TRIM14: variants seen among roughly 807,000 people sequenced by gnomAD.
TRIM14 encodes the protein tripartite motif containing 14.
TRIM14 carries 28 observed loss-of-function variants against 44.5 expected under a neutral mutation model. The ratio of observed to expected loss-of-function variants is 0.63; its 90% CI spans 0.47 to 0.86. The LOEUF (loss-of-function observed/expected upper bound fraction) is 0.86. TRIM14 is among the 40% of genes least tolerant of loss of function. The pLI, the probability that TRIM14 is intolerant of heterozygous loss-of-function variation, is 0.00. For missense variants in TRIM14, 607 were observed against 611.1 expected (o/e 0.99, Z 0.07); for synonymous variants, 299 against 269.2 (o/e 1.11, Z -1.08).
chr9:98,110,933 A>G (rs12342641), intron 1 of TRIM14, among the ~76,000 whole-genome samples: 16,770 of 151,494 alleles, frequency 0.11, 2,793 homozygotes, highest in African/African-American at 0.37. Context: ...TGTAGTCCTA[A>G]CTACTTGGGA....
chr9:98,073,117 G>A (rs1829417126), intron 6 of TRIM14, among the ~76,000 whole-genome samples: 1 of 151,988 alleles, frequency 6.6e-6, no homozygotes, highest in African/African-American at 2.4e-5. Context: ...CTCACACACA[G>A]TGGCCATCCC....
At chr9:98,092,369 G>A (rs1564175843) in intron 4 of TRIM14, 1 of 208,326 alleles carries the variant, frequency 4.8e-6, no homozygotes, top group Non-Finnish European at 1.0e-5. Context: ...CCCAACAAGC[G>A]GGCACAGCAG....
At chr9:98,066,150 A>C (rs1434872949), downstream of TRIM14, among the ~76,000 whole-genome samples, 1 of 152,226 alleles carries the variant, frequency 6.6e-6, no homozygotes, top group Non-Finnish European at 1.5e-5. Context: ...AGTAAGGAGA[A>C]ATGTTATGTG....
chr9:98,098,879 C>T (rs1308476379), intron 3 of TRIM14, among the ~76,000 whole-genome samples: 1 of 151,928 alleles, frequency 6.6e-6, no homozygotes, highest in Non-Finnish European at 1.5e-5. Flanking sequence ...TCTTTGCCTC[C>T]CCGATTCAAG....
At chr9:98,112,668 G>A (rs1826893918) in intron 1 of TRIM14, among the ~76,000 whole-genome samples, 3 of 151,650 alleles carry the variant, frequency 2.0e-5, no homozygotes, top group Middle Eastern at 6.8e-3. Context: ...GTGTGGTGGT[G>A]CACGCCTGTA....
intron 6 of TRIM14, among the ~76,000 whole-genome samples, chr9:98,072,131 C>T (rs1454518484): frequency 1.3e-5 from 2 of 152,168 alleles, no homozygotes; most frequent in East Asian, 3.9e-4. Flanking sequence ...GTGGCTTGGG[C>T]TCCTCATGTA....
intron 3 of TRIM14, among the ~76,000 whole-genome samples, chr9:98,097,189 G>C (rs1031604580): frequency 6.6e-6 from 1 of 152,124 alleles, no homozygotes; most frequent in African/African-American, 2.4e-5. Context: ...GTGAGACCCT[G>C]TCTCAAAAAC....
At chr9:98,067,200 A>C (rs559210562), downstream of TRIM14, among the ~76,000 whole-genome samples, 1 of 152,316 alleles carries the variant, frequency 6.6e-6, no homozygotes, top group East Asian at 1.9e-4. Flanking sequence ...GCTGTTATGA[A>C]TAATGCTGCT....
At chr9:98,092,826 C>A (rs544025105) in intron 4 of TRIM14, among the ~76,000 whole-genome samples, 1 of 152,362 alleles carries the variant, frequency 6.6e-6, no homozygotes, top group African/African-American at 2.4e-5. Context: ...TTCTGTACGT[C>A]GCTTTCCTTT....
intron 5 of TRIM14, among the ~76,000 whole-genome samples, chr9:98,089,723 C>T (rs1825930579): frequency 1.3e-5 from 2 of 152,182 alleles, no homozygotes; most frequent in Admixed American, 6.5e-5. Context: ...ATGGCACCAG[C>T]TCAACCACTT....
rs1190608961 is a variant in TRIM14, at chr9:98,091,951, A to G, written c.751T>C (p.Leu251=). Residue 251 remains leucine, a synonymous_variant, in exon 5 of 6, where the codon TTG becomes CTG. Coordinates refer to ENST00000341469, the MANE Select transcript of TRIM14 (RefSeq NM_014788.4). ...CGCTCTGGTGAGGGGCTGGTTTTCA[A>G]CAAGGTACCTGGCTTGGTGCTGGAA... ...DPSSTKPGTL[L]KTSPSPERSL... 6.1e-5 allele frequency: 98 copies of G among 1,610,788 alleles called. No individual in the cohort carries two copies. In the East Asian group the frequency reaches 8.7e-4, roughly 14 times the overall value.
chr9:98,099,521 T>A (rs960221293), intron 3 of TRIM14, among the ~76,000 whole-genome samples: 11 of 144,412 alleles, frequency 7.6e-5, no homozygotes, highest in Non-Finnish European at 1.1e-4. Context: ...GGGTTTAGAG[T>A]CAGACAGACC....
the TRIM14 span, among the ~76,000 whole-genome samples, chr9:98,036,409 G>A: frequency 6.7e-6 from 1 of 149,944 alleles, no homozygotes; most frequent in African/African-American, 2.5e-5. Flanking sequence ...GCTGAAGCAG[G>A]AGAATCGCAG....
Position 98,100,038 on chromosome 9 carries a change from A to G in TRIM14, c.430T>C (p.Tyr144His). The G allele has an allele frequency of 1.9e-6, 3 of 1,614,152 alleles. No homozygotes were observed. The highest frequency in any genetic ancestry group is 2.2e-5 in the East Asian group (1 of 44,884). ...CTGCAAGAGTCAGCTTGTTCCCTGT[A>G]CACCTGGAGGGTAAGCTGCGTGTTT... ...DKNTQLTLQV[Y>H]REQADSCREQ... The change falls in exon 3 of 6, where the codon TAC (tyrosine) becomes CAC (histidine). Residue 144 changes from tyrosine (Y) to histidine (H), a missense_variant. Coordinates refer to ENST00000341469, the MANE Select transcript of TRIM14 (RefSeq NM_014788.4).
chr9:98,091,784 A>AAAAG, intron 5 of TRIM14, 125 bp downstream of exon 5: 1 of 467,518 alleles, frequency 2.1e-6, no homozygotes, highest in Non-Finnish European at 3.4e-6. Flanking sequence ...ACAAGTTCTT[A>AAAAG]AAATAAATAA....
chr9:98,074,232 A>G (rs896785121), intron 6 of TRIM14, among the ~76,000 whole-genome samples: 4 of 152,196 alleles, frequency 2.6e-5, no homozygotes, highest in Non-Finnish European at 2.9e-5. Flanking sequence ...CCATTTCTGC[A>G]TGTTGAACTC....
intron 2 of TRIM14, 39 bp downstream of exon 2, chr9:98,109,850 G>T: frequency 6.6e-7 from 1 of 1,526,362 alleles, no homozygotes; most frequent in Non-Finnish European, 9.0e-7. Context: ...GGGGAAATGT[G>T]GGTCTTTCCA....
chr9:98,100,228 C>T (rs1826340935), intron 2 of TRIM14, 64 bp from the exon 3 acceptor site: 1 of 1,461,692 alleles, frequency 6.8e-7, no homozygotes, highest in African/African-American at 1.4e-5. Flanking sequence ...GAATAATCAA[C>T]ATGAAAAAAA....
chr9:98,040,945 G>A, the TRIM14 span, among the ~76,000 whole-genome samples: 3 of 151,186 alleles, frequency 2.0e-5, no homozygotes, highest in Admixed American at 1.3e-4. Flanking sequence ...GTGAGCCACC[G>A]TGCCCAGTGA....
Sources: gnomAD v4.1 joint callset for allele counts (sites outside exome capture counted in the v4.1 genomes callset) on GRCh38, gnomAD v4.1.1 for gene constraint, MANE v1.5 for transcripts, NCBI Gene and HGNC (gene_info 2026-07-23, HGNC 2026-07-21) for gene names.